The following OR51B5 variants were observed in gnomAD, a reference collection of about 807,000 sequenced individuals.
OR51B5 encodes olfactory receptor family 51 subfamily B member 5.
For missense variants in OR51B5, 456 were observed against 374.6 expected (o/e 1.22, Z -1.79); for synonymous variants, 186 against 144.8 (o/e 1.28, Z -2.04).
At chr11:5,454,594 G>A in intron 1 of OR51B5, 2 of 560,950 alleles carry the variant, frequency 3.6e-6, no homozygotes, top group South Asian at 2.6e-5. Flanking sequence ...CAAATGAATA[G>A]TACATTCACT....
intron 1 of OR51B5, chr11:5,402,691 T>C (rs1849989629): frequency 1.1e-5 from 5 of 471,302 alleles, no homozygotes; most frequent in South Asian, 7.7e-5. Context: ...TGGATATCCG[T>C]CCCCTTCTCC....
chr11:5,491,594 A>G (rs554360137), intron 1 of OR51B5, among the ~76,000 whole-genome samples: 27 of 152,342 alleles, frequency 1.8e-4, no homozygotes, highest in African/African-American at 6.5e-4. Context: ...GGGGGCCTCA[A>G]AAGCCAGGCC....
At chr11:5,484,685 G>A (rs142069488) in intron 1 of OR51B5, among the ~76,000 whole-genome samples, 24 of 152,194 alleles carry the variant, frequency 1.6e-4, no homozygotes, top group African/African-American at 5.3e-4. Context: ...TGTCTTCTTC[G>A]GTTTACCAAT....
intron 1 of OR51B5, among the ~76,000 whole-genome samples, chr11:5,468,047 C>T (rs1351544516): frequency 2.0e-5 from 3 of 152,192 alleles, no homozygotes; most frequent in South Asian, 4.1e-4. Context: ...ACAGCTATTA[C>T]ATATCTTTAG....
chr11:5,401,477 T>A (rs938260988), intron 1 of OR51B5, among the ~76,000 whole-genome samples: 1 of 152,230 alleles, frequency 6.6e-6, no homozygotes, highest in Non-Finnish European at 1.5e-5. Flanking sequence ...GTCCAAATTC[T>A]ATGCTTTTCT....
rs999169402 is a variant in OR51B5 at position 5,352,360 on chromosome 11, A to G, written n.85-5450T>C. ...CATCCACTTCCTTTTCCCACCTTTT[A>G]TGAACCCATTTATCTATAGCATTAA... On this transcript the variant is annotated intron_variant and non_coding_transcript_variant, in intron 1 of 4. Coordinates refer to the OR51B5 transcript ENST00000415970. 10 of 1,613,902 alleles carry G rather than the reference A, an allele frequency of 6.2e-6. No homozygotes were observed. In the Admixed American group the frequency reaches 1.0e-4, roughly 16 times the overall value.
chr11:5,463,058 T>G (rs1375375248), intron 1 of OR51B5, among the ~76,000 whole-genome samples: 1 of 152,250 alleles, frequency 6.6e-6, no homozygotes, highest in East Asian at 1.9e-4. Context: ...TTTGTCGTAT[T>G]AGGGGTAGGT....
chr11:5,342,575 A>ATGAT (rs1848912014), downstream of OR51B5: 1 of 1,561,342 alleles, frequency 6.4e-7, no homozygotes, highest in Non-Finnish European at 8.6e-7. Context: ...AGTGACTGTG[A>ATGAT]TGATTGGAGA....
chr11:5,392,132 T>C (rs1323118029), intron 1 of OR51B5: 1 of 152,288 alleles, frequency 6.6e-6, no homozygotes, highest in Admixed American at 6.5e-5. Context: ...AAAATATGTA[T>C]GTATGTTTGT....
At chr11:5,344,617 C>T (rs192591619), upstream of OR51B5, among the ~76,000 whole-genome samples, 36 of 152,154 alleles carry the variant, frequency 2.4e-4, no homozygotes, top group Non-Finnish European at 4.6e-4. Flanking sequence ...TGCATATAGA[C>T]ATGGTGTTTA....
At chr11:5,421,344 A>G (rs757675299) in intron 1 of OR51B5, among the ~76,000 whole-genome samples, 4 of 152,270 alleles carry the variant, frequency 2.6e-5, no homozygotes, top group African/African-American at 2.4e-5. Flanking sequence ...GGGTACCTCC[A>G]AGGCAGGAGA....
chr11:5,441,079 T>C (rs1850680555), intron 1 of OR51B5: 4 of 1,613,924 alleles, frequency 2.5e-6, no homozygotes, highest in South Asian at 2.2e-5. Context: ...CCCAGACCCA[T>C]AGCCAATATA....
chr11:5,436,123 A>T (rs189642417), intron 1 of OR51B5, among the ~76,000 whole-genome samples: 1 of 152,292 alleles, frequency 6.6e-6, no homozygotes, highest in Admixed American at 6.5e-5. Flanking sequence ...GCAAAAAGTA[A>T]AGGGAATTAA....
intron 1 of OR51B5, among the ~76,000 whole-genome samples, chr11:5,477,880 G>A (rs979107741): frequency 1.3e-5 from 2 of 152,078 alleles, no homozygotes; most frequent in Non-Finnish European, 2.9e-5. Flanking sequence ...GAGTCTCCCT[G>A]ATTGCTAGCA....
At chr11:5,347,465 T>C (rs1849011141), upstream of OR51B5, among the ~76,000 whole-genome samples, 1 of 147,956 alleles carries the variant, frequency 6.8e-6, no homozygotes, top group Non-Finnish European at 1.5e-5. Flanking sequence ...TTTTCTCTTT[T>C]CCAGGGGATG....
At chr11:5,355,015 A>G (rs1219106514) in intron 1 of OR51B5, 1 of 160,420 alleles carries the variant, frequency 6.2e-6, no homozygotes, top group Non-Finnish European at 1.4e-5. Context: ...GGATATCCAC[A>G]AAAAACTCAT....
At chr11:5,363,352 G>C (rs566862885) in intron 1 of OR51B5, among the ~76,000 whole-genome samples, 51,712 of 98,350 alleles carry the variant, frequency 0.53, 10,777 homozygotes, top group Non-Finnish European at 0.56. Context: ...AGTTTTTTTT[G>C]GTTTTTGTTT....
chr11:5,487,097 A>G (rs1481619902), intron 1 of OR51B5, among the ~76,000 whole-genome samples: 2 of 152,198 alleles, frequency 1.3e-5, no homozygotes, highest in Admixed American at 6.5e-5. Flanking sequence ...CAAAAACGCC[A>G]AACTCTGAAT....
At chr11:5,469,674 ATAT>A (rs1412744510) in intron 1 of OR51B5, among the ~76,000 whole-genome samples, 1 of 152,114 alleles carries the variant, frequency 6.6e-6, no homozygotes, top group Non-Finnish European at 1.5e-5. Context: ...TAATTTTTAG[ATAT>A]TATCCTTTAT....
Sources: gnomAD v4.1 joint callset for allele counts (sites outside exome capture counted in the v4.1 genomes callset) on GRCh38, gnomAD v4.1.1 for gene constraint, MANE v1.5 for transcripts, NCBI Gene and HGNC (gene_info 2026-07-23, HGNC 2026-07-21) for gene names.